The following ZZEF1 variants were observed in gnomAD, a reference collection of about 807,000 sequenced individuals.
ZZEF1 encodes zinc finger ZZ-type and EF-hand domain containing 1.
Under a neutral mutation model 342.8 loss-of-function variants are expected in ZZEF1, and 157 were observed. The ratio of observed to expected loss-of-function variants is 0.46; its 90% CI spans 0.40 to 0.52. The LOEUF is 0.52. ZZEF1 is among the 20% of genes least tolerant of loss of function. The probability of loss-of-function intolerance (pLI) is 0.00; values close to 1 mark genes in which losing one functional copy is unlikely to be tolerated. For missense variants in ZZEF1, 3,480 were observed against 3,725.6 expected, an observed-to-expected ratio of 0.93 and a Z score of 1.72; for synonymous variants, 1,505 against 1,429.1, an observed-to-expected ratio of 1.05 and a Z score of -1.20.
intron 33 of ZZEF1, among the ~76,000 whole-genome samples, chr17:4,055,447 C>G (rs925940088): frequency 1.3e-5 from 2 of 152,214 alleles, no homozygotes; most frequent in Non-Finnish European, 2.9e-5. Flanking sequence ...GAGATGGACA[C>G]AGTGGGCTAT....
At chr17:4,050,439 A>T (rs138060151) in intron 36 of ZZEF1, among the ~76,000 whole-genome samples, 1 of 152,250 alleles carries the variant, frequency 6.6e-6, no homozygotes, top group African/African-American at 2.4e-5. Flanking sequence ...GTGTGGAAGC[A>T]GATTTACACT....
intron 9 of ZZEF1, 94 bp downstream of exon 9, chr17:4,102,223 G>T (rs1017961254): frequency 9.1e-7 from 1 of 1,102,854 alleles, no homozygotes; most frequent in Non-Finnish European, 1.4e-6. Context: ...ATTGAAGACT[G>T]CACGCCTCAA....
chr17:4,024,256 G>A (rs918843145), intron 43 of ZZEF1, among the ~76,000 whole-genome samples: 2 of 137,812 alleles, frequency 1.5e-5, no homozygotes, highest in Admixed American at 7.9e-5. Flanking sequence ...GGAGTGCAAT[G>A]GCATGATCTA....
At chr17:4,120,373 T>C (rs12452569) in intron 2 of ZZEF1, among the ~76,000 whole-genome samples, 1 of 149,336 alleles carries the variant, frequency 6.7e-6, no homozygotes, top group Admixed American at 6.7e-5. Context: ...AAAAAAAAAA[T>C]GTTCCTTTAG....
Position 4,009,719 on chromosome 17 carries a change from T to C in ZZEF1, c.8618A>G (p.Gln2873Arg), listed in dbSNP as rs1287268265. 1.2e-6 allele frequency: 2 copies of C among 1,613,990 alleles called. No homozygotes were observed. The highest frequency in any genetic ancestry group is 1.7e-6 in the Non-Finnish European group (2 of 1,179,992). ...CDLALLKPLW[Q>R]LFTHMEYGLF... ...GCCGTACTCCATGTGGGTAAAGAGCTGCCACAGGGGCTTCAACAGCGCAAG... is the reference window on the plus strand; with the variant it reads ...GCCGTACTCCATGTGGGTAAAGAGCCGCCACAGGGGCTTCAACAGCGCAAG... The change falls in exon 53 of 55, where the codon CAG becomes CGG. Residue 2873 changes from glutamine (Q) to arginine (R), a missense_variant. This residue lies in a region of ZZEF1 where 1,269 missense variants were observed against 1,342.4 expected (regional missense o/e 0.95). Transcript: ENST00000381638.
In ZZEF1 at chr17:4,014,978, G is replaced by C. The variant is rs1223009922; in HGVS notation, c.8146-463C>G. On this transcript the variant is annotated intron_variant, in intron 49 of 54. Transcript: ENST00000381638. This position sits in a 1 kb window ranked among gnomAD's most constrained non-coding sequence, Gnocchi z 4.4. ...AACAGGGACAAGACCTGACTCCAGA[G>C]AGACTGGCAGGGGCAGACACTGAAG... Among the ~76,000 whole-genome samples the C allele has an allele frequency of 2.6e-5, 4 of 152,184 alleles. No individual in the cohort carries two copies. The highest frequency in any genetic ancestry group is 4.4e-5 in the Non-Finnish European group (3 of 68,030).
At chr17:4,116,383 T>G (rs1413759101) in intron 3 of ZZEF1, among the ~76,000 whole-genome samples, 1 of 152,258 alleles carries the variant, frequency 6.6e-6, no homozygotes, top group African/African-American at 2.4e-5. Context: ...CTGTTGGAAG[T>G]TCACCTTTCC....
intron 42 of ZZEF1, among the ~76,000 whole-genome samples, chr17:4,030,579 T>C (rs1414725672): frequency 2.6e-5 from 4 of 152,212 alleles, no homozygotes; most frequent in Non-Finnish European, 5.9e-5. Flanking sequence ...GCCCAGGCTA[T>C]AGTGGAGATC....
intron 39 of ZZEF1, 23 bp from the exon 40 acceptor site, chr17:4,034,315 C>G: frequency 6.2e-7 from 1 of 1,611,832 alleles, no homozygotes; most frequent in Non-Finnish European, 8.5e-7. Context: ...GGAGAGAAAT[C>G]TGTTCAGTAC....
rs572370973 is a variant in ZZEF1, at chr17:4,117,417, G to A, written c.500-251C>T. Among the ~76,000 whole-genome samples the A allele has an allele frequency of 1.1e-4, 16 of 152,130 alleles. No homozygotes were observed. In the East Asian group the frequency reaches 1.7e-3, roughly 17 times the overall value. ...TCCCAGCACTTTGGGAGGCCGAGGC[G>A]GACGGATGACCTGAGGTCAAGAGTT... is the stretch of plus-strand genomic sequence containing the variant. On this transcript the variant is annotated intron_variant, in intron 2 of 54. Transcript: ENST00000381638.
chr17:4,133,307 T>C (rs1468809100), intron 1 of ZZEF1, among the ~76,000 whole-genome samples: 1 of 152,054 alleles, frequency 6.6e-6, no homozygotes. Context: ...CTCCCCGTCT[T>C]ATAGTTGTAC....
intron 46 of ZZEF1, 96 bp downstream of exon 46, chr17:4,019,573 G>T (rs146879733): frequency 1.8e-6 from 2 of 1,122,730 alleles, no homozygotes; most frequent in African/African-American, 1.6e-5. Flanking sequence ...TCGGAGCGTC[G>T]ATCGATCCAG....
Position 4,017,954 on chromosome 17 carries a change from A to G in ZZEF1, c.7523T>C (p.Leu2508Pro). 6.2e-7 allele frequency: 1 copy of G among 1,613,706 alleles called. No individual in the cohort carries two copies. The highest frequency in any genetic ancestry group is 8.5e-7 in the Non-Finnish European group (1 of 1,180,020). The change falls in exon 47 of 55, where the codon CTC becomes CCC. Residue 2508 changes from leucine (L) to proline (P), a missense_variant. By Grantham distance (98) the Leu-to-Pro change is moderately conservative (BLOSUM62 -3). Transcript: ENST00000381638. The surrounding 1 kb of genome is among the most constrained non-coding windows in gnomAD (Gnocchi z 5.1). ...GGACCGTATCCTTTCATCTGTGGTG[A>G]GCTCATCACCATCAAACCTGCAGAA... ...EVQKRFDGDE[L>P]TTDERIRSLA...
intron 6 of ZZEF1, among the ~76,000 whole-genome samples, chr17:4,108,615 T>C (rs568848387): frequency 5.3e-5 from 8 of 152,304 alleles, no homozygotes; most frequent in South Asian, 2.1e-4. Flanking sequence ...GATTTCCTGA[T>C]TTCAATGGTT....
chr17:4,036,577 C>A (rs1271914738), intron 39 of ZZEF1, among the ~76,000 whole-genome samples: 1 of 151,870 alleles, frequency 6.6e-6, no homozygotes, highest in Non-Finnish European at 1.5e-5. Context: ...TCTACTAATA[C>A]AAAAATTAGC....
intron 2 of ZZEF1, among the ~76,000 whole-genome samples, chr17:4,117,646 C>A (rs1462471624): frequency 2.7e-4 from 3 of 11,034 alleles, no homozygotes; most frequent in African/African-American, 3.2e-4. Flanking sequence ...GAAACTCCAC[C>A]TCAAAAAAAA....
Position 4,016,617 on chromosome 17 carries a change from A to C in ZZEF1, c.8002-151T>G. On this transcript the variant is annotated intron_variant, in intron 48 of 54. Coordinates refer to ENST00000381638, the MANE Select transcript of ZZEF1 (RefSeq NM_015113.4). This position sits in a 1 kb window ranked among gnomAD's most constrained non-coding sequence, Gnocchi z 4.4. ...GACTCCACCACCCAAAACCAACTCCACCAGCCACCTCTCACTTGACCAGGC... is the reference window on the plus strand; with the variant it reads ...GACTCCACCACCCAAAACCAACTCCCCCAGCCACCTCTCACTTGACCAGGC... 2.1e-5 allele frequency: 16 copies of C among 750,876 alleles called. No homozygotes were observed. The highest frequency in any genetic ancestry group is 2.8e-4 in the Middle Eastern group (1 of 3,534). 46.5% of individuals were successfully genotyped at this position (750,876 alleles called of 1,614,324 possible).
intron 26 of ZZEF1, among the ~76,000 whole-genome samples, chr17:4,068,164 C>G (rs2057439061): frequency 6.6e-6 from 1 of 152,066 alleles, no homozygotes; most frequent in African/African-American, 2.4e-5. Flanking sequence ...ACATAAAGTC[C>G]AGGTAAATAG....
At chr17:4,110,660 T>C (rs1367492311) in intron 5 of ZZEF1, among the ~76,000 whole-genome samples, 1 of 151,804 alleles carries the variant, frequency 6.6e-6, no homozygotes, top group Non-Finnish European at 1.5e-5. Context: ...TGGTATAAAA[T>C]TGGAAACAAT....
Sources: gnomAD v4.1 joint callset for allele counts (sites outside exome capture counted in the v4.1 genomes callset) on GRCh38, gnomAD v4.1.1 for gene constraint, gnomAD v4.1.1 regional missense constraint, Gnocchi (gnomAD v3.1) non-coding constraint, MANE v1.5 for transcripts, NCBI Gene and HGNC (gene_info 2026-07-23, HGNC 2026-07-21) for gene names.